NKAIN2: variants seen among roughly 807,000 people sequenced by gnomAD.
The protein encoded by NKAIN2 is sodium/potassium-transporting ATPase subunit beta-1-interacting protein 2.
A neutral mutation model predicts 32.6 loss-of-function variants in NKAIN2; 14 were observed. That is an observed-to-expected ratio of 0.43 (90% CI 0.28 to 0.67). The LOEUF is 0.67. Ranked by LOEUF, NKAIN2 falls within the 30% of genes least tolerant of loss-of-function variation. The pLI, the probability that NKAIN2 is intolerant of heterozygous loss-of-function variation, is 0.17. For synonymous variants in NKAIN2, 80 were observed against 87.2 expected (o/e 0.92, Z 0.46); for missense variants, 198 against 258.3 (o/e 0.77, Z 1.60).
intron 3 of NKAIN2, among the ~76,000 whole-genome samples, chr6:124,649,862 C>A (rs1784304970): frequency 2.0e-5 from 3 of 152,140 alleles, no homozygotes; most frequent in African/African-American, 7.2e-5. Flanking sequence ...AGAAAAATTA[C>A]AATATCTATA....
At chr6:124,409,264 C>T (rs1425900621) in intron 3 of NKAIN2, among the ~76,000 whole-genome samples, 1 of 152,220 alleles carries the variant, frequency 6.6e-6, no homozygotes, top group South Asian at 2.1e-4. Context: ...GCATCCCTGT[C>T]TTGTGCCAGT....
chr6:123,976,168 T>C (rs1313514668), intron 1 of NKAIN2, among the ~76,000 whole-genome samples: 1 of 149,906 alleles, frequency 6.7e-6, no homozygotes, highest in Non-Finnish European at 1.5e-5. Flanking sequence ...CTTTATAAAT[T>C]ACCCAGTCTT....
intron 1 of NKAIN2, among the ~76,000 whole-genome samples, chr6:124,051,750 G>A (rs1416483975): frequency 6.6e-6 from 1 of 152,052 alleles, no homozygotes; most frequent in Non-Finnish European, 1.5e-5. Context: ...AATTGGTGAA[G>A]TTCATCAAAG....
intron 4 of NKAIN2, among the ~76,000 whole-genome samples, chr6:124,790,647 C>G (rs1779706841): frequency 6.6e-6 from 1 of 152,084 alleles, no homozygotes; most frequent in African/African-American, 2.4e-5. Context: ...AATACAAAAA[C>G]ACCCAATCTG....
chr6:124,357,823 C>T (rs9491137), intron 3 of NKAIN2, among the ~76,000 whole-genome samples: 6,455 of 151,948 alleles, frequency 0.042, 456 homozygotes, highest in African/African-American at 0.14. Context: ...ATGTGCACAA[C>T]GTGCAGGTTT....
chr6:124,525,193 C>A (rs1371425244), intron 3 of NKAIN2, among the ~76,000 whole-genome samples: 1 of 152,090 alleles, frequency 6.6e-6, no homozygotes, highest in Non-Finnish European at 1.5e-5. Flanking sequence ...ACCAACGAGA[C>A]CTGTGCACTG....
rs753653169 is a variant in NKAIN2 at position 124,306,360 on chromosome 6, A to AAT, written c.192+23229_192+23230dup. On this transcript the variant is annotated intron_variant, in intron 2 of 6. Transcript: ENST00000368417. ...AATGTTGTATTTTTACTCCTGAGTG[A>AAT]ATATATATATATCTGATATACATTA... 2.3e-4 allele frequency among the ~76,000 whole-genome samples: 35 copies of AAT among 152,042 alleles called. No homozygotes were observed. The East Asian group carries it at 2.5e-3, about 11-fold the overall frequency.
At chr6:123,811,869 A>G (rs958446620) in intron 1 of NKAIN2, among the ~76,000 whole-genome samples, 1 of 152,208 alleles carries the variant, frequency 6.6e-6, no homozygotes, top group Non-Finnish European at 1.5e-5. Flanking sequence ...AGGTACAGGT[A>G]GTTTGAACTA....
At chr6:124,614,186 G>C (rs1457630641) in intron 3 of NKAIN2, among the ~76,000 whole-genome samples, 2 of 152,170 alleles carry the variant, frequency 1.3e-5, no homozygotes, top group Non-Finnish European at 2.9e-5. Context: ...TTGAGGTCAG[G>C]AGTTCGAGAC....
intron 1 of NKAIN2, among the ~76,000 whole-genome samples, chr6:123,947,992 A>G (rs1272594007): frequency 6.6e-6 from 1 of 152,106 alleles, no homozygotes; most frequent in African/African-American, 2.4e-5. Flanking sequence ...TTTAGATTCC[A>G]TATATGAGTG....
At chr6:124,190,626 T>A (rs1334290222) in intron 1 of NKAIN2, among the ~76,000 whole-genome samples, 1 of 152,222 alleles carries the variant, frequency 6.6e-6, no homozygotes, top group African/African-American at 2.4e-5. Context: ...TTGCAAATTC[T>A]TAATAAGCGT....
intron 1 of NKAIN2, among the ~76,000 whole-genome samples, chr6:123,933,770 C>T (rs1776375485): frequency 6.6e-6 from 1 of 152,236 alleles, no homozygotes; most frequent in Non-Finnish European, 1.5e-5. Flanking sequence ...AGGCGTAGCC[C>T]TTACCTTGTA....
At chr6:123,910,001 AT>A (rs1775092584) in intron 1 of NKAIN2, among the ~76,000 whole-genome samples, 1 of 152,174 alleles carries the variant, frequency 6.6e-6, no homozygotes, top group South Asian at 2.1e-4. Context: ...AAAAAAAAAA[AT>A]GTAACCGTAA....
Position 124,665,557 on chromosome 6 carries a change from A to T in NKAIN2, c.474+7171A>T, listed in dbSNP as rs570391845. Among the ~76,000 whole-genome samples the T allele has an allele frequency of 5.9e-5, 9 of 152,326 alleles. No homozygotes were observed. The South Asian group carries it at 1.2e-3, about 21-fold the overall frequency. ...CTATTCAGTTGTTTAAAGGATTACC[A>T]TGATATGACCTACTCATGGAAGTTT... On this transcript the variant is annotated intron_variant, in intron 4 of 6. Transcript: ENST00000368417.
intron 4 of NKAIN2, among the ~76,000 whole-genome samples, chr6:124,698,977 C>G (rs149416770): frequency 1.3e-5 from 2 of 152,214 alleles, no homozygotes; most frequent in African/African-American, 4.8e-5. Context: ...CAATTCCACT[C>G]ATTAACTGTA....
rs887949984 is a variant in NKAIN2, at chr6:123,962,593, C to T, written c.54+158339C>T. ...CCTTCATTAATGGCTGGCAAGTCAC[C>T]GAATTTCACTTTTCTTTACACAGGT... On this transcript the variant is annotated intron_variant, in intron 1 of 6. Coordinates refer to ENST00000368417, the MANE Select transcript of NKAIN2 (RefSeq NM_001040214.3). Among the ~76,000 whole-genome samples the T allele has an allele frequency of 3.4e-4, 51 of 152,102 alleles. 1 individual carries two copies. The highest frequency in any genetic ancestry group is 3.3e-3 in the Admixed American group (50 of 15,264).
Position 123,911,914 on chromosome 6 carries a change from C to G in NKAIN2, c.54+107660C>G, listed in dbSNP as rs141218570. Among the ~76,000 whole-genome samples the G allele has an allele frequency of 2.4e-3, 361 of 148,802 alleles. 1 individual carries two copies. Among genetic ancestry groups the G allele is most frequent in the African/African-American group, 8.5e-3 (343 of 40,436 alleles). ...ATTTTCAAACTGGGCATCAACCAAC[C>G]AATTTTACAGGTATTTTTCACTGAA... On this transcript the variant is annotated intron_variant, in intron 1 of 6. Coordinates refer to ENST00000368417, the MANE Select transcript of NKAIN2 (RefSeq NM_001040214.3).
intron 1 of NKAIN2, among the ~76,000 whole-genome samples, chr6:123,985,900 C>T (rs906179732): frequency 6.6e-6 from 1 of 152,010 alleles, no homozygotes; most frequent in African/African-American, 2.4e-5. Context: ...CTAAAAAAGC[C>T]TAGAAGCAGG....
At chr6:124,798,110 C>G (rs1780095155) in intron 5 of NKAIN2, among the ~76,000 whole-genome samples, 1 of 150,578 alleles carries the variant, frequency 6.6e-6, no homozygotes. Context: ...TATCTATCAT[C>G]TAACTGCATT....
Sources: gnomAD v4.1 joint callset for allele counts (sites outside exome capture counted in the v4.1 genomes callset) on GRCh38, gnomAD v4.1.1 for gene constraint, MANE v1.5 for transcripts, NCBI Gene and HGNC (gene_info 2026-07-23, HGNC 2026-07-21) for gene names.